The following MYO6 variants were observed in gnomAD, a reference collection of about 807,000 sequenced individuals.
MYO6 encodes myosin VI.
In MYO6, 74 loss-of-function variants were observed where a neutral mutation model predicts 178.7. That is an observed-to-expected ratio of 0.41 (90% CI 0.34 to 0.50). The LOEUF (loss-of-function observed/expected upper bound fraction) is 0.50, where lower values mean the gene tolerates loss of function less well. MYO6 is among the 20% of genes least tolerant of loss of function. The pLI is 0.09. For synonymous variants in MYO6, 477 were observed against 504.6 expected, an observed-to-expected ratio of 0.95 and a Z score of 0.73; for missense variants, 1,330 against 1,547.4, an observed-to-expected ratio of 0.86 and a Z score of 2.36.
chr6:75,868,609 C>T (rs978014639), intron 18 of MYO6, among the ~76,000 whole-genome samples: 1 of 151,918 alleles, frequency 6.6e-6, no homozygotes, highest in Admixed American at 6.5e-5. Context: ...CTGAATGATA[C>T]TAATAATAAA....
At chr6:75,869,941 G>A (rs1375510373) in intron 18 of MYO6, among the ~76,000 whole-genome samples, 3 of 151,888 alleles carry the variant, frequency 2.0e-5, no homozygotes, top group Admixed American at 1.3e-4. Context: ...GTAAAACCCT[G>A]TCTCTACTAA....
intron 2 of MYO6, among the ~76,000 whole-genome samples, chr6:75,820,539 T>C (rs1313496763): frequency 2.6e-5 from 4 of 151,954 alleles, no homozygotes. Flanking sequence ...CTGGCTAATT[T>C]GTTGTATTTT....
chr6:75,779,810 GA>G (rs1233945530), intron 1 of MYO6, among the ~76,000 whole-genome samples: 5 of 152,282 alleles, frequency 3.3e-5, no homozygotes, highest in African/African-American at 1.2e-4. Flanking sequence ...AGTGCTAAAT[GA>G]CTTACCTTTT....
chr6:75,864,778 T>C (rs1326938088), intron 16 of MYO6, among the ~76,000 whole-genome samples: 1 of 152,198 alleles, frequency 6.6e-6, no homozygotes, highest in Non-Finnish European at 1.5e-5. Flanking sequence ...GTTATTCCTT[T>C]TGTTGTATTT....
chr6:75,894,561 A>G (rs1702724578), intron 28 of MYO6, among the ~76,000 whole-genome samples: 1 of 146,928 alleles, frequency 6.8e-6, no homozygotes, highest in Non-Finnish European at 1.5e-5. Context: ...GCACTTCATT[A>G]TGAATGATGT....
intron 9 of MYO6, 108 bp downstream of exon 9, chr6:75,841,486 C>A: frequency 9.5e-7 from 1 of 1,048,688 alleles, no homozygotes; most frequent in Non-Finnish European, 1.4e-6. Flanking sequence ...CCTGGGAGTT[C>A]GAGAGCAGCC....
chr6:75,892,404 A>T, intron 27 of MYO6, 126 bp from the exon 28 acceptor site: 2 of 1,220,944 alleles, frequency 1.6e-6, no homozygotes, highest in Non-Finnish European at 2.4e-6. Context: ...ATCTGTGCTT[A>T]AGCAATTCTT....
In MYO6 at chr6:75,857,273, G is replaced by T. The variant is rs1775798991; in HGVS notation, c.1381+19G>T. 1 of 1,606,392 alleles carries T rather than the reference G, an allele frequency of 6.2e-7. No homozygotes were observed. Among genetic ancestry groups the T allele is most frequent in the Non-Finnish European group, 8.5e-7 (1 of 1,173,388 alleles). On this transcript the variant is annotated intron_variant, in intron 13 of 34. Transcript: ENST00000369977. Reference sequence around the variant, plus strand: ...GGTTTTGGTAAGTAGAGTTTCTTTTGTGAGTATATATTTGTTTCATATTTT... The same window carrying T: ...GGTTTTGGTAAGTAGAGTTTCTTTTTTGAGTATATATTTGTTTCATATTTT...
chr6:75,894,909 T>G, intron 28 of MYO6: 1 of 1,066,408 alleles, frequency 9.4e-7, no homozygotes. Context: ...CATATGATTC[T>G]TGATGCAAAG....
rs1190128765 is a variant in MYO6 at position 75,918,815 on chromosome 6, T to G, written c.*3803T>G. ...AAAAGGAGAATCTTCAGTACAAATT[T>G]GTTTTTTTAAAAATAGATTTAGGGC... is the stretch of plus-strand genomic sequence containing the variant. On this transcript the variant is annotated 3_prime_UTR_variant, in exon 35 of 35. Transcript: ENST00000369977. 6.6e-6 allele frequency: 1 copy of G among 152,230 alleles called. No homozygotes were observed. Among genetic ancestry groups the G allele is most frequent in the Non-Finnish European group, 1.5e-5 (1 of 68,040 alleles). The allele number at this position is 152,230 out of a possible 1,614,324, so 9.4% of individuals were successfully genotyped here.
chr6:75,777,248 G>A (rs1478095021), intron 1 of MYO6, among the ~76,000 whole-genome samples: 1 of 151,884 alleles, frequency 6.6e-6, no homozygotes, highest in East Asian at 1.9e-4. Context: ...GTGTCTTCAG[G>A]GCCTAGTACT....
chr6:75,862,570 G>A (rs770588895), intron 15 of MYO6, 26 bp from the exon 16 acceptor site: 1 of 1,586,064 alleles, frequency 6.3e-7, no homozygotes, highest in Non-Finnish European at 8.7e-7. Context: ...TTACACTATT[G>A]TGAGTGTTTT....
At chr6:75,752,056 G>A (rs1257749521) in intron 1 of MYO6, among the ~76,000 whole-genome samples, 1 of 150,626 alleles carries the variant, frequency 6.6e-6, no homozygotes, top group East Asian at 1.9e-4. Flanking sequence ...GCAGTGGCAC[G>A]ATCTTGGGTC....
chr6:75,899,084 G>C (rs572685253), intron 30 of MYO6, among the ~76,000 whole-genome samples: 1 of 152,024 alleles, frequency 6.6e-6, no homozygotes, highest in South Asian at 2.1e-4. Flanking sequence ...TACTATTTTA[G>C]TAACTCCAGA....
intron 1 of MYO6, among the ~76,000 whole-genome samples, chr6:75,751,515 A>G (rs1776891069): frequency 6.6e-6 from 1 of 152,264 alleles, no homozygotes. Context: ...ATGTAAATTA[A>G]TGCAATTAAA....
chr6:75,910,267 CT>C (rs1411592338), intron 32 of MYO6, among the ~76,000 whole-genome samples: 4 of 152,150 alleles, frequency 2.6e-5, no homozygotes, highest in Non-Finnish European at 1.5e-5. Context: ...TAATTACTAA[CT>C]TTAGCTTGAC....
chr6:75,856,701 A>G lies in MYO6; in HGVS notation c.1224-396A>G, dbSNP rs148561154. ...AGAATGGGACAGTTCAAATTTTAAG[A>G]TGTAAACATTTTATCCTAAACAGTG... On this transcript the variant is annotated intron_variant, in intron 12 of 34. Coordinates refer to ENST00000369977, the MANE Select transcript of MYO6 (RefSeq NM_004999.4). Among the ~76,000 whole-genome samples the G allele has an allele frequency of 3.1e-3, 478 of 152,256 alleles. 5 individuals are homozygous for G. Among genetic ancestry groups the G allele is most frequent in the African/African-American group, 0.011 (452 of 41,574 alleles).
chr6:75,901,136 G>A (rs893799192), intron 30 of MYO6, among the ~76,000 whole-genome samples: 3 of 152,112 alleles, frequency 2.0e-5, no homozygotes, highest in Admixed American at 1.3e-4. Context: ...GGTTACTGTA[G>A]CCTTGTAGTA....
chr6:75,805,021 A>ATATATATTTTT (rs1252912172), intron 1 of MYO6, among the ~76,000 whole-genome samples: 13 of 77,284 alleles, frequency 1.7e-4, no homozygotes, highest in African/African-American at 8.1e-4. Context: ...ATATATATAT[A>ATATATATTTTT]TTTTTTTTTT....
Sources: gnomAD v4.1 joint callset for allele counts (sites outside exome capture counted in the v4.1 genomes callset) on GRCh38, gnomAD v4.1.1 for gene constraint, MANE v1.5 for transcripts, NCBI Gene and HGNC (gene_info 2026-07-23, HGNC 2026-07-21) for gene names.